NARS2: variants seen among roughly 807,000 people sequenced by gnomAD.
The protein encoded by NARS2 is asparaginyl-tRNA synthetase.
A neutral mutation model predicts 62.9 loss-of-function variants in NARS2; 60 were observed. The observed-to-expected ratio is 0.95, with a 90% CI of 0.77 to 1.18. NARS2 has a LOEUF of 1.18. Among genes scored for constraint, NARS2 ranks in the 50% most tolerant of loss-of-function variants. The pLI, the probability that NARS2 is intolerant of heterozygous loss-of-function variation, is 0.00. For synonymous variants in NARS2, 196 were observed against 200.0 expected (o/e 0.98, Z 0.17); for missense variants, 619 against 576.4 (o/e 1.07, Z -0.76).
rs551563526 is a variant in NARS2, at chr11:78,507,828, A to T, written c.690-14633T>A. Among the ~76,000 whole-genome samples, 13 of 151,836 alleles carry T rather than the reference A, an allele frequency of 8.6e-5. No homozygotes were observed. In the East Asian group the frequency reaches 2.3e-3, roughly 27 times the overall value. On this transcript the variant is annotated intron_variant, in intron 6 of 13. Transcript: ENST00000281038. Reference sequence around the variant, plus strand: ...GCCACTGGCACCCAGCCCAGTTTTCATTTTTAAAAAAATCACAAGGCATAT... The same window carrying T: ...GCCACTGGCACCCAGCCCAGTTTTCTTTTTTAAAAAAATCACAAGGCATAT...
chr11:78,479,671 G>A (rs114233198), intron 7 of NARS2, among the ~76,000 whole-genome samples: 2,462 of 152,250 alleles, frequency 0.016, 58 homozygotes, highest in African/African-American at 0.056. Flanking sequence ...ACAATATTAC[G>A]TCTTCTAAAT....
intron 11 of NARS2, among the ~76,000 whole-genome samples, chr11:78,457,757 A>C (rs1858219231): frequency 6.6e-6 from 1 of 151,954 alleles, no homozygotes; most frequent in African/African-American, 2.4e-5. Flanking sequence ...GCGATCTATG[A>C]GAGAACTACC....
At chr11:78,508,030 T>C (rs1860570463) in intron 6 of NARS2, among the ~76,000 whole-genome samples, 1 of 151,956 alleles carries the variant, frequency 6.6e-6, no homozygotes, top group African/African-American at 2.4e-5. Flanking sequence ...AAAATGGCAA[T>C]CTTAATAAAA....
chr11:78,561,271 C>T (rs1404795795), intron 4 of NARS2, among the ~76,000 whole-genome samples: 3 of 151,932 alleles, frequency 2.0e-5, no homozygotes, highest in African/African-American at 7.3e-5. Context: ...ATAATACAGC[C>T]GTGCAAACAA....
intron 6 of NARS2, among the ~76,000 whole-genome samples, chr11:78,499,707 G>C (rs912002430): frequency 6.6e-6 from 1 of 152,070 alleles, no homozygotes. Context: ...AATTATCCTA[G>C]TCTATTCTAT....
intron 4 of NARS2, 60 bp from the exon 5 acceptor site, chr11:78,559,679 C>T: frequency 8.8e-7 from 1 of 1,132,106 alleles, no homozygotes; most frequent in African/African-American, 1.5e-5. Flanking sequence ...CAAGAACACA[C>T]ATCCTCTTAT....
chr11:78,567,321 A>G (rs1046814901), intron 3 of NARS2, among the ~76,000 whole-genome samples: 2 of 152,216 alleles, frequency 1.3e-5, no homozygotes, highest in African/African-American at 4.8e-5. Context: ...TAAGCAGGAC[A>G]AAAGGATGAT....
In NARS2 at chr11:78,493,563, C is replaced by A. The variant is rs562389629; in HGVS notation, c.690-368G>T. Among the ~76,000 whole-genome samples the A allele has an allele frequency of 2.6e-5, 4 of 151,704 alleles. No homozygotes were observed. In the South Asian group the frequency reaches 6.2e-4, roughly 24 times the overall value. ...GGTCCAGCTACTTGGGAGGCTGAGG[C>A]AGGAGGATCGTTTGAGTCCAGGAGG... On this transcript the variant is annotated intron_variant, in intron 6 of 13. Transcript: ENST00000281038.
intron 11 of NARS2, among the ~76,000 whole-genome samples, chr11:78,460,136 A>AT (rs1478651815): frequency 6.6e-6 from 1 of 152,248 alleles, no homozygotes; most frequent in Non-Finnish European, 1.5e-5. Flanking sequence ...GTCCCACAGT[A>AT]TAACAGACTA....
At position 78,469,159 on chromosome 11, in the gene NARS2, T is replaced by A. The variant is rs997377859; in HGVS notation, c.1026+88A>T. On this transcript the variant is annotated intron_variant, in intron 10 of 13. Transcript: ENST00000281038. ...TATTTTGCTAATAAGAGAATTAAGATGATTTTGAAAGATTCTTAACACAGT... is the reference window on the plus strand; with the variant it reads ...TATTTTGCTAATAAGAGAATTAAGAAGATTTTGAAAGATTCTTAACACAGT... The A allele has an allele frequency of 4.3e-5, 38 of 884,732 alleles. No homozygotes were observed. In the African/African-American group the frequency reaches 5.2e-4, roughly 12 times the overall value. The allele number at this position is 884,732 out of a possible 1,614,324, so 54.8% of individuals were successfully genotyped here. A position where few individuals can be genotyped will look rare whatever the true frequency, so the allele number is the denominator to read the frequency against.
intron 6 of NARS2, among the ~76,000 whole-genome samples, chr11:78,521,511 C>A (rs985171744): frequency 1.3e-5 from 2 of 151,902 alleles, no homozygotes; most frequent in African/African-American, 2.4e-5. Context: ...AAGCCCGGGG[C>A]CGGGCGCGGT....
intron 10 of NARS2, among the ~76,000 whole-genome samples, chr11:78,468,310 G>GGAAAAAAAAAAAAAAAAAAAAA (rs1555015326): frequency 4.4e-5 from 3 of 67,430 alleles, no homozygotes; most frequent in Non-Finnish European, 8.8e-5. Flanking sequence ...CACTAAATCT[G>GGAAAAAAAAAAAAAAAAAAAAA]AAAAAAAAAA....
chr11:78,522,799 T>C (rs1161141298), intron 6 of NARS2, among the ~76,000 whole-genome samples: 1 of 152,152 alleles, frequency 6.6e-6, no homozygotes, highest in Non-Finnish European at 1.5e-5. Context: ...TCAGAAGTAA[T>C]AATAAGTTAG....
At chr11:78,462,581 T>G (rs1858442004) in intron 11 of NARS2, among the ~76,000 whole-genome samples, 1 of 152,202 alleles carries the variant, frequency 6.6e-6, no homozygotes, top group African/African-American at 2.4e-5. Context: ...AAAATACACT[T>G]TAAAGCTAAA....
At chr11:78,550,630 G>A (rs907299973) in intron 5 of NARS2, among the ~76,000 whole-genome samples, 10 of 152,190 alleles carry the variant, frequency 6.6e-5, no homozygotes, top group African/African-American at 2.4e-4. Context: ...AGGCTAGGAT[G>A]CAGGGAAAGG....
At chr11:78,470,216 C>G (rs1156341358) in intron 9 of NARS2, among the ~76,000 whole-genome samples, 1 of 152,172 alleles carries the variant, frequency 6.6e-6, no homozygotes, top group African/African-American at 2.4e-5. Flanking sequence ...TAGGAAAATA[C>G]TGATTCTCTC....
intron 4 of NARS2, 32 bp from the exon 5 acceptor site, chr11:78,559,651 T>C (rs764164725): frequency 6.9e-6 from 10 of 1,442,042 alleles, no homozygotes; most frequent in Non-Finnish European, 9.7e-6. Context: ...TTCAGGATAT[T>C]TGCACATTCA....
Position 78,449,757 on chromosome 11 carries a change from C to CCCA in NARS2, c.1165-6002_1165-6000dup, listed in dbSNP as rs1168420897. 3.9e-5 allele frequency among the ~76,000 whole-genome samples: 6 copies of CCCA among 152,150 alleles called. 1 individual carries two copies. The highest frequency in any genetic ancestry group is 1.4e-4 in the African/African-American group (6 of 41,430). ...TATTGAGAAGCATAACTAGCCTCTA[C>CCCA]CCACTATAGGCCAGTTATACTCCCC... is the stretch of plus-strand genomic sequence containing the variant. On this transcript the variant is annotated intron_variant, in intron 11 of 13. Transcript: ENST00000281038.
In NARS2 at chr11:78,567,005, T is replaced by C. The variant is rs556618690; in HGVS notation, c.373-733A>G. ...TACAAATACAAACTTTTATGTCGTA[T>C]AGAAACAAGCACTATACTTACTAAA... On this transcript the variant is annotated intron_variant, in intron 3 of 13. Transcript: ENST00000281038. Among the ~76,000 whole-genome samples the C allele has an allele frequency of 4.0e-3, 603 of 152,332 alleles. 3 individuals are homozygous for C. Among genetic ancestry groups the C allele is most frequent in the African/African-American group, 0.014 (584 of 41,586 alleles).
Sources: allele counts gnomAD v4.1 joint callset (sites outside exome capture counted in the v4.1 genomes callset), GRCh38; gene constraint gnomAD v4.1.1; transcripts MANE v1.5; gene names NCBI Gene and HGNC (gene_info 2026-07-23, HGNC 2026-07-21).